The following UST variants were observed in gnomAD, a reference collection of about 807,000 sequenced individuals.
UST encodes the protein uronyl 2-sulfotransferase.
A neutral mutation model predicts 45.6 loss-of-function variants in UST; 21 were observed. The ratio of observed to expected loss-of-function variants is 0.46; its 90% confidence interval spans 0.33 to 0.66. The LOEUF (loss-of-function observed/expected upper bound fraction) is 0.66. UST is among the 30% of genes least tolerant of loss of function. The probability of loss-of-function intolerance (pLI) is 0.02; values close to 1 mark genes in which losing one functional copy is unlikely to be tolerated. For missense variants in UST, 463 were observed against 512.4 expected (o/e 0.90, Z 0.93); for synonymous variants, 215 against 200.6 (o/e 1.07, Z -0.61).
intron 7 of UST, among the ~76,000 whole-genome samples, chr6:149,021,790 C>T (rs754901685): frequency 6.6e-6 from 1 of 152,158 alleles, no homozygotes; most frequent in African/African-American, 2.4e-5. Flanking sequence ...CTGAAACTGG[C>T]AACATTTTCC....
chr6:148,854,103 C>A (rs117247672), intron 1 of UST, among the ~76,000 whole-genome samples: 2 of 152,140 alleles, frequency 1.3e-5, no homozygotes, highest in African/African-American at 2.4e-5. Flanking sequence ...AAAAAGCAAG[C>A]CTGTGGGTCT....
intron 2 of UST, among the ~76,000 whole-genome samples, chr6:148,913,984 G>T (rs1161001483): frequency 6.6e-6 from 1 of 152,190 alleles, no homozygotes; most frequent in Non-Finnish European, 1.5e-5. Flanking sequence ...ATAGCAGTAG[G>T]AGGGGAGCCT....
At chr6:149,064,488 T>C (rs1168431900) in intron 7 of UST, among the ~76,000 whole-genome samples, 3 of 152,178 alleles carry the variant, frequency 2.0e-5, no homozygotes, top group Non-Finnish European at 4.4e-5. Context: ...ATGATGGTGA[T>C]GATGATGATG....
intron 1 of UST, among the ~76,000 whole-genome samples, chr6:148,760,302 A>G (rs1382933799): frequency 2.6e-5 from 4 of 152,186 alleles, no homozygotes; most frequent in African/African-American, 4.8e-5. Context: ...GAGTCTCACT[A>G]TGTGATAGGT....
At chr6:149,039,161 C>G (rs1040776785) in intron 7 of UST, among the ~76,000 whole-genome samples, 5 of 152,122 alleles carry the variant, frequency 3.3e-5, no homozygotes, top group Admixed American at 2.0e-4. Context: ...TACAGAGAGC[C>G]ACATGTATTA....
chr6:148,783,827 A>G (rs984052117), intron 1 of UST, among the ~76,000 whole-genome samples: 1 of 152,260 alleles, frequency 6.6e-6, no homozygotes, highest in African/African-American at 2.4e-5. Flanking sequence ...GTGCAGTGGG[A>G]ATTTTCTGTC....
chr6:148,926,811 A>G (rs1779822207), intron 2 of UST, among the ~76,000 whole-genome samples: 1 of 152,204 alleles, frequency 6.6e-6, no homozygotes. Context: ...TTAGCTGGGC[A>G]TATTGTTACC....
At chr6:148,801,046 A>C (rs1043223238) in intron 1 of UST, among the ~76,000 whole-genome samples, 2 of 152,214 alleles carry the variant, frequency 1.3e-5, no homozygotes, top group Non-Finnish European at 2.9e-5. Flanking sequence ...GAACTGGAGC[A>C]TAGCTTGCAA....
intron 5 of UST, among the ~76,000 whole-genome samples, chr6:148,987,808 C>T (rs1251926145): frequency 2.0e-5 from 3 of 148,134 alleles, no homozygotes; most frequent in Non-Finnish European, 3.0e-5. Flanking sequence ...CAGTGACATC[C>T]GTAGCGCCAA....
chr6:148,807,944 C>T (rs529422702), intron 1 of UST, among the ~76,000 whole-genome samples: 3 of 152,246 alleles, frequency 2.0e-5, no homozygotes, highest in South Asian at 4.2e-4. Context: ...AACAAGACAC[C>T]GCCTTGTTCA....
chr6:148,838,179 C>T (rs994407964), intron 1 of UST, among the ~76,000 whole-genome samples: 2 of 152,078 alleles, frequency 1.3e-5, no homozygotes, highest in African/African-American at 2.4e-5. Flanking sequence ...TCAGGAGGGG[C>T]CGTATGGGCG....
chr6:149,036,969 C>T (rs926742803), intron 7 of UST, among the ~76,000 whole-genome samples: 5 of 152,146 alleles, frequency 3.3e-5, no homozygotes, highest in Non-Finnish European at 5.9e-5. Context: ...GAGCGTATGA[C>T]CATTTAAAGG....
intron 1 of UST, among the ~76,000 whole-genome samples, chr6:148,863,753 A>C (rs1778366128): frequency 6.6e-6 from 1 of 151,776 alleles, no homozygotes; most frequent in East Asian, 1.9e-4. Context: ...GGTCTGTTGG[A>C]GTTTGCTGCA....
At chr6:148,870,396 T>C (rs1413560672) in intron 1 of UST, among the ~76,000 whole-genome samples, 1 of 152,220 alleles carries the variant, frequency 6.6e-6, no homozygotes, top group Non-Finnish European at 1.5e-5. Context: ...CCCAATCCCT[T>C]TGGCATCTTT....
intron 4 of UST, among the ~76,000 whole-genome samples, chr6:148,960,284 C>T (rs553867897): frequency 3.9e-5 from 6 of 152,194 alleles, no homozygotes; most frequent in African/African-American, 9.6e-5. Flanking sequence ...AGCGAAACTC[C>T]GTCTCAAAAA....
rs1171139935 is a variant in UST at position 148,975,264 on chromosome 6, G to GT, written c.681+10702dup. ...AAACCCTTCAAATTATTTCATGTCT[G>GT]TAAGTCTTATGTTTTGAACTAAAAT... is the stretch of plus-strand genomic sequence containing the variant. On this transcript the variant is annotated intron_variant, in intron 5 of 7. Coordinates refer to ENST00000367463, the MANE Select transcript of UST (RefSeq NM_005715.3). 3.3e-5 allele frequency among the ~76,000 whole-genome samples: 5 copies of GT among 152,076 alleles called. No homozygotes were observed. The East Asian group carries it at 7.7e-4, about 23-fold the overall frequency.
intron 1 of UST, among the ~76,000 whole-genome samples, chr6:148,885,378 T>A (rs981179184): frequency 1.3e-5 from 2 of 152,194 alleles, no homozygotes; most frequent in Non-Finnish European, 2.9e-5. Context: ...CACAGGCAGC[T>A]ATTTTTCTGA....
Position 148,770,040 on chromosome 6 carries a change from C to G in UST, c.247+22363C>G, listed in dbSNP as rs147708869. On this transcript the variant is annotated intron_variant, in intron 1 of 7. Transcript: ENST00000367463. The stretch of plus-strand genomic sequence containing the variant: ...AAATTGTAAAGAACGATTAAGAGTT[C>G]TAAAACATTGACCCTGCGATCATTG... Among the ~76,000 whole-genome samples, 180 of 152,048 alleles carry G rather than the reference C, an allele frequency of 1.2e-3. 1 individual carries two copies. Among genetic ancestry groups the G allele is most frequent in the African/African-American group, 4.2e-3 (173 of 41,438 alleles).
intron 1 of UST, among the ~76,000 whole-genome samples, chr6:148,813,923 G>A (rs1258027002): frequency 6.6e-6 from 1 of 152,034 alleles, no homozygotes; most frequent in African/African-American, 2.4e-5. Flanking sequence ...TACATTTTGA[G>A]TCCACACCCC....
Sources: allele counts gnomAD v4.1 joint callset (sites outside exome capture counted in the v4.1 genomes callset), GRCh38; gene constraint gnomAD v4.1.1; transcripts MANE v1.5; gene names NCBI Gene and HGNC (gene_info 2026-07-23, HGNC 2026-07-21).